The following ATG7 variants were observed in gnomAD, a reference collection of about 807,000 sequenced individuals.
ATG7 encodes ubiquitin-like modifier-activating enzyme ATG7.
Under a neutral mutation model 82.4 loss-of-function variants are expected in ATG7, and 70 were observed. That is an observed-to-expected ratio of 0.85 (90% CI 0.70 to 1.04). The LOEUF (loss-of-function observed/expected upper bound fraction) is 1.04. ATG7 is among the 50% of genes least tolerant of loss of function. The pLI, the probability that ATG7 is intolerant of heterozygous loss-of-function variation, is 0.00. For synonymous variants in ATG7, 287 were observed against 313.0 expected, an observed-to-expected ratio of 0.92 and a Z score of 0.88; for missense variants, 792 against 864.3, an observed-to-expected ratio of 0.92 and a Z score of 1.05.
At chr3:11,500,064 G>A (rs2153060286) in intron 20 of ATG7, among the ~76,000 whole-genome samples, 1 of 152,326 alleles carries the variant, frequency 6.6e-6, no homozygotes, top group Admixed American at 6.5e-5. Context: ...TTCTGGGGAT[G>A]CTGTAAAGGA....
At chr3:11,440,532 G>A (rs1048422936) in intron 20 of ATG7, among the ~76,000 whole-genome samples, 1 of 149,980 alleles carries the variant, frequency 6.7e-6, no homozygotes, top group Non-Finnish European at 1.5e-5. Flanking sequence ...CACCGTTTTA[G>A]CCGGGATGGT....
At chr3:11,390,120 A>G (rs1188248897) in intron 19 of ATG7, among the ~76,000 whole-genome samples, 4 of 152,232 alleles carry the variant, frequency 2.6e-5, no homozygotes, top group Non-Finnish European at 1.5e-5. Flanking sequence ...ATGTGAGCTC[A>G]ACATCGCTCT....
At chr3:11,427,720 C>T (rs1237034316) in intron 20 of ATG7, among the ~76,000 whole-genome samples, 1 of 150,978 alleles carries the variant, frequency 6.6e-6, no homozygotes, top group African/African-American at 2.4e-5. Flanking sequence ...GAGGCTGAGG[C>T]AGGAGAATTG....
chr3:11,451,837 ATC>A (rs1259410744), intron 20 of ATG7, among the ~76,000 whole-genome samples: 3 of 144,438 alleles, frequency 2.1e-5, no homozygotes, highest in East Asian at 2.0e-4. Flanking sequence ...GTCTCTCTCT[ATC>A]TCTCTCTCTA....
At chr3:11,301,331 C>T (rs936499398) in intron 5 of ATG7, among the ~76,000 whole-genome samples, 2 of 152,072 alleles carry the variant, frequency 1.3e-5, no homozygotes, top group African/African-American at 4.8e-5. Context: ...CTTTATTGTA[C>T]CTCAGCAGTA....
At chr3:11,561,103 C>T (rs9854573), downstream of ATG7, among the ~76,000 whole-genome samples, 21,729 of 151,754 alleles carry the variant, frequency 0.14, 1,784 homozygotes, top group Middle Eastern at 0.22. Context: ...CTGGCTGCAC[C>T]CATGACCTTG....
the ATG7 span, chr3:11,565,027 A>G: frequency 6.8e-7 from 1 of 1,474,588 alleles, no homozygotes. The surrounding 1 kb of genome is among the most constrained non-coding windows in gnomAD (Gnocchi z 4.1). Context: ...TTCCTGAAAA[A>G]GAGGAATGGG....
At chr3:11,515,622 A>T (rs995445158) in intron 20 of ATG7, among the ~76,000 whole-genome samples, 1 of 152,240 alleles carries the variant, frequency 6.6e-6, no homozygotes, top group Admixed American at 6.5e-5. Flanking sequence ...GACAGAATTG[A>T]AAATGGTGAC....
chr3:11,363,306 G>A (rs1304795639), intron 17 of ATG7, among the ~76,000 whole-genome samples: 2 of 151,330 alleles, frequency 1.3e-5, no homozygotes, highest in African/African-American at 4.9e-5. Context: ...GTAATGGCAC[G>A]ATTTTGGCTC....
intron 20 of ATG7, among the ~76,000 whole-genome samples, chr3:11,541,000 C>T (rs936048221): frequency 3.3e-5 from 5 of 151,170 alleles, no homozygotes; most frequent in South Asian, 2.1e-4. Context: ...CCCAGGTTCA[C>T]GCCATTCTCC....
At chr3:11,339,763 G>A (rs918456909) in intron 11 of ATG7, among the ~76,000 whole-genome samples, 1 of 152,204 alleles carries the variant, frequency 6.6e-6, no homozygotes, top group Non-Finnish European at 1.5e-5. Context: ...GGAAATGAAG[G>A]GAGATATGGA....
chr3:11,352,548 C>T (rs1457405261), intron 14 of ATG7, among the ~76,000 whole-genome samples: 1 of 152,192 alleles, frequency 6.6e-6, no homozygotes, highest in East Asian at 1.9e-4. Context: ...ACCATTCTAA[C>T]TTGTGTTAGA....
intron 20 of ATG7, among the ~76,000 whole-genome samples, chr3:11,440,945 A>G (rs1343492007): frequency 1.1e-4 from 17 of 151,820 alleles, no homozygotes; most frequent in Admixed American, 9.2e-4. Flanking sequence ...CGGCCTCCCA[A>G]AGTGCTGAGA....
intron 20 of ATG7, among the ~76,000 whole-genome samples, chr3:11,521,875 A>C (rs1347877422): frequency 3.9e-5 from 6 of 152,040 alleles, no homozygotes; most frequent in African/African-American, 1.4e-4. Flanking sequence ...TTTTGTGGGG[A>C]ATTTTCCTGA....
At chr3:11,334,549 T>G (rs1575518310) in intron 11 of ATG7, among the ~76,000 whole-genome samples, 2 of 150,402 alleles carry the variant, frequency 1.3e-5, no homozygotes, top group South Asian at 4.2e-4. Context: ...TGGCCTCATA[T>G]ATATTATTTA....
At chr3:11,551,556 C>T (rs1309050086) in intron 20 of ATG7, among the ~76,000 whole-genome samples, 1 of 152,022 alleles carries the variant, frequency 6.6e-6, no homozygotes, top group African/African-American at 2.4e-5. Flanking sequence ...AGGTTTATTC[C>T]CATGTGTTTA....
At chr3:11,560,921 AG>A, downstream of ATG7, among the ~76,000 whole-genome samples, 1 of 152,240 alleles carries the variant, frequency 6.6e-6, no homozygotes, top group South Asian at 2.1e-4. Flanking sequence ...AGGCTCGGAA[AG>A]GGGGTTGGGG....
At chr3:11,509,748 T>A (rs2091949139) in intron 20 of ATG7, among the ~76,000 whole-genome samples, 1 of 152,150 alleles carries the variant, frequency 6.6e-6, no homozygotes, top group Non-Finnish European at 1.5e-5. Context: ...CAGGAACCTA[T>A]CTATTTCTGT....
In ATG7 at chr3:11,282,381, T is replaced by C. The variant is rs1406627050; in HGVS notation, c.-68T>C. 1.3e-5 allele frequency: 2 copies of C among 152,240 alleles called. No individual in the cohort carries two copies. Among genetic ancestry groups the C allele is most frequent in the East Asian group, 1.9e-4 (1 of 5,202 alleles). 9.4% of individuals were successfully genotyped at this position (152,240 alleles called of 1,614,324 possible). A position where few individuals can be genotyped will look rare whatever the true frequency, so the allele number is the denominator to read the frequency against. On this transcript the variant is annotated 5_prime_UTR_variant, in exon 3 of 21. Transcript: ENST00000693202. ...GTTTGAAGACTGTGGATGTGACTGC[T>C]TGTTCCCTGGTTGACACACTGAAGA...
Sources: allele counts gnomAD v4.1 joint callset (sites outside exome capture counted in the v4.1 genomes callset), GRCh38; gene constraint gnomAD v4.1.1; non-coding constraint Gnocchi (gnomAD v3.1); transcripts MANE v1.5; gene names NCBI Gene and HGNC (gene_info 2026-07-23, HGNC 2026-07-21).